The following SYT16 variants were observed in gnomAD, a reference collection of about 807,000 sequenced individuals.
SYT16 encodes synaptotagmin-16.
In SYT16, 42 loss-of-function variants were observed where a neutral mutation model predicts 61.4. The observed-to-expected ratio is 0.68, with a 90% CI of 0.53 to 0.89. The LOEUF (loss-of-function observed/expected upper bound fraction) is 0.89, where lower values mean the gene tolerates loss of function less well. SYT16 is among the 40% of genes least tolerant of loss of function. The pLI, the probability that SYT16 is intolerant of heterozygous loss-of-function variation, is 0.00. For synonymous variants in SYT16, 314 were observed against 302.3 expected (o/e 1.04, Z -0.40); for missense variants, 804 against 807.3 (o/e 1.00, Z 0.05).
At chr14:61,907,539 T>G (rs933611050) in intron 1 of SYT16, among the ~76,000 whole-genome samples, 6 of 152,178 alleles carry the variant, frequency 3.9e-5, no homozygotes, top group Non-Finnish European at 8.8e-5. Context: ...AGGATCCACT[T>G]GCAAGCAGAC....
In SYT16 at chr14:61,915,388, T is replaced by C. The variant is rs1478266644; in HGVS notation, c.-324-54744T>C. On this transcript the variant is annotated intron_variant, in intron 1 of 7. Coordinates refer to ENST00000683842, the MANE Select transcript of SYT16 (RefSeq NM_001367656.1). ...GATGTATGCATACATAACATACATCTATGAACTAGAAACATAATATAAAAT... is the reference window on the plus strand; with the variant it reads ...GATGTATGCATACATAACATACATCCATGAACTAGAAACATAATATAAAAT... 5.3e-5 allele frequency among the ~76,000 whole-genome samples: 8 copies of C among 152,176 alleles called. No homozygotes were observed. The East Asian group carries it at 1.5e-3, about 29-fold the overall frequency.
intron 1 of SYT16, among the ~76,000 whole-genome samples, chr14:61,874,855 G>A (rs928895505): frequency 3.3e-5 from 5 of 151,206 alleles, no homozygotes; most frequent in Admixed American, 6.6e-5. Context: ...ATGATGGAAT[G>A]TATTGCCACG....
Position 62,094,625 on chromosome 14 carries a change from A to T in SYT16, c.1625-5769A>T, listed in dbSNP as rs2057203873. 2.0e-5 allele frequency among the ~76,000 whole-genome samples: 3 copies of T among 152,170 alleles called. No homozygotes were observed. In the South Asian group the frequency reaches 6.2e-4, roughly 32 times the overall value. The stretch of plus-strand genomic sequence containing the variant: ...AATCTTATTTTATTTTATTTTTATG[A>T]TAGCAACGTTCCAGTTCAGGTTAGT... On this transcript the variant is annotated intron_variant, in intron 7 of 7. Transcript: ENST00000683842.
At chr14:61,919,171 T>C (rs2049235663) in intron 1 of SYT16, among the ~76,000 whole-genome samples, 1 of 152,134 alleles carries the variant, frequency 6.6e-6, no homozygotes, top group East Asian at 1.9e-4. Flanking sequence ...TAGAAATACG[T>C]TGCTAGGCAC....
chr14:61,968,346 G>T (rs1271082473), intron 1 of SYT16, among the ~76,000 whole-genome samples: 1 of 152,174 alleles, frequency 6.6e-6, no homozygotes, highest in Non-Finnish European at 1.5e-5. Flanking sequence ...TGGTTGAGGA[G>T]CATGTGGTGG....
At chr14:62,049,450 T>C (rs1008728530) in intron 3 of SYT16, among the ~76,000 whole-genome samples, 2 of 152,232 alleles carry the variant, frequency 1.3e-5, no homozygotes, top group African/African-American at 4.8e-5. Flanking sequence ...TCTGTGTCTT[T>C]TAATTGGAGC....
intron 1 of SYT16, among the ~76,000 whole-genome samples, chr14:61,911,587 A>G (rs920225796): frequency 1.4e-4 from 21 of 152,342 alleles, no homozygotes; most frequent in African/African-American, 4.6e-4. Context: ...GCTATGTCCT[A>G]TGTGTTTAAG....
At chr14:61,934,416 A>G (rs1365253508) in intron 1 of SYT16, among the ~76,000 whole-genome samples, 1 of 152,224 alleles carries the variant, frequency 6.6e-6, no homozygotes, top group Non-Finnish European at 1.5e-5. Context: ...ATGACAAAAA[A>G]TGTAGAATGC....
intron 2 of SYT16, among the ~76,000 whole-genome samples, chr14:61,989,237 T>C (rs566859489): frequency 1.3e-5 from 2 of 152,300 alleles, no homozygotes; most frequent in South Asian, 4.1e-4. Flanking sequence ...GGGATTAATA[T>C]TGAATACCTG....
chr14:61,840,679 C>T (rs2046277204), intron 1 of SYT16, among the ~76,000 whole-genome samples: 1 of 151,722 alleles, frequency 6.6e-6, no homozygotes, highest in African/African-American at 2.4e-5. Flanking sequence ...TTTAAAACAG[C>T]AGTGACAAGG....
intron 1 of SYT16, among the ~76,000 whole-genome samples, chr14:61,954,836 A>G (rs2050809167): frequency 6.6e-6 from 1 of 152,146 alleles, no homozygotes; most frequent in African/African-American, 2.4e-5. Context: ...ATGACCTATA[A>G]TATTTAAACT....
At chr14:61,857,908 CAG>C (rs2046825707) in intron 1 of SYT16, among the ~76,000 whole-genome samples, 2 of 151,680 alleles carry the variant, frequency 1.3e-5, no homozygotes, top group African/African-American at 4.8e-5. Context: ...GTCATTTTGA[CAG>C]GGGGAAAAAA....
chr14:61,977,381 G>C (rs527770020), intron 2 of SYT16, among the ~76,000 whole-genome samples: 7 of 152,282 alleles, frequency 4.6e-5, no homozygotes, highest in African/African-American at 1.7e-4. Flanking sequence ...AATGAAAGAG[G>C]TTTAACTGAC....
In SYT16 at chr14:62,100,540, T is replaced by G. The variant is rs751397378; in HGVS notation, c.1771T>G (p.Leu591Val). ...CCTCTTTCAGCTGTCTGATGTCACG[T>G]TGATGATTTCCGTTTATAACAGGCG... The part of the protein sequence containing the change: ...VALFQLSDVT[L>V]MISVYNRRTM... Residue 591 changes from leucine (L) to valine (V), a missense_variant, in exon 8 of 8, where the codon TTG (leucine) becomes GTG (valine). Physicochemically the swap from Leu to Val is conservative, Grantham distance 32. Transcript: ENST00000683842. 57 of 1,613,698 alleles carry G rather than the reference T, an allele frequency of 3.5e-5. No homozygotes were observed. The highest frequency in any genetic ancestry group is 4.1e-5 in the Non-Finnish European group (48 of 1,179,844).
chr14:62,053,497 C>T (rs2055402690), intron 3 of SYT16, among the ~76,000 whole-genome samples: 1 of 152,198 alleles, frequency 6.6e-6, no homozygotes, highest in Non-Finnish European at 1.5e-5. Context: ...ATTGCATAAG[C>T]TCATCTCTTA....
At chr14:61,891,131 C>G (rs1383665735) in intron 1 of SYT16, among the ~76,000 whole-genome samples, 1 of 152,024 alleles carries the variant, frequency 6.6e-6, no homozygotes, top group East Asian at 1.9e-4. Context: ...TCTTTTGGCT[C>G]TAGAGAAAGC....
intron 2 of SYT16, among the ~76,000 whole-genome samples, chr14:61,992,028 A>G (rs1475274789): frequency 6.6e-6 from 1 of 152,086 alleles, no homozygotes; most frequent in Non-Finnish European, 1.5e-5. Flanking sequence ...TGGATTCTGG[A>G]GCTACAAAGT....
intron 3 of SYT16, among the ~76,000 whole-genome samples, chr14:62,033,627 C>T (rs944652049): frequency 5.9e-5 from 9 of 152,028 alleles, no homozygotes; most frequent in Non-Finnish European, 1.3e-4. Context: ...AATGGAAAGA[C>T]ATGAGAGCTG....
intron 3 of SYT16, among the ~76,000 whole-genome samples, chr14:62,063,683 C>G (rs2055929148): frequency 6.6e-6 from 1 of 152,114 alleles, no homozygotes; most frequent in Non-Finnish European, 1.5e-5. Context: ...GATGGAATTT[C>G]CTCTGCCCCT....
Sources: gnomAD v4.1 joint callset for allele counts (sites outside exome capture counted in the v4.1 genomes callset) on GRCh38, gnomAD v4.1.1 for gene constraint, MANE v1.5 for transcripts, NCBI Gene and HGNC (gene_info 2026-07-23, HGNC 2026-07-21) for gene names.